SERP2: variants seen among roughly 807,000 people sequenced by gnomAD.
SERP2 encodes the protein stress-associated endoplasmic reticulum protein 2.
A neutral mutation model predicts 9.1 loss-of-function variants in SERP2; 6 were observed. The observed-to-expected ratio is 0.66, with a 90% confidence interval of 0.36 to 1.30. The LOEUF (loss-of-function observed/expected upper bound fraction) is 1.30, where lower values mean the gene tolerates loss of function less well. Ranked by LOEUF, SERP2 falls within the 50% of genes most tolerant of loss-of-function variation. The probability of loss-of-function intolerance (pLI) is 0.03; values close to 1 mark genes in which losing one functional copy is unlikely to be tolerated. For missense variants in SERP2, 58 were observed against 81.9 expected (o/e 0.71, Z 1.13); for synonymous variants, 37 against 27.3 (o/e 1.35, Z -1.10).
chr13:44,387,777 C>T (rs768587940), intron 2 of SERP2, among the ~76,000 whole-genome samples: 1 of 152,174 alleles, frequency 6.6e-6, no homozygotes, highest in Non-Finnish European at 1.5e-5. Context: ...TCCCATCATC[C>T]TTTGACTCTC....
chr13:44,376,851 A>T (rs1023120436), intron 1 of SERP2, among the ~76,000 whole-genome samples: 1 of 151,986 alleles, frequency 6.6e-6, no homozygotes, highest in African/African-American at 2.4e-5. Flanking sequence ...ATGAAGGGGG[A>T]ATTTAAATTT....
Sources: gnomAD v4.1 joint callset for allele counts (sites outside exome capture counted in the v4.1 genomes callset) on GRCh38, gnomAD v4.1.1 for gene constraint, MANE v1.5 for transcripts, NCBI Gene and HGNC (gene_info 2026-07-23, HGNC 2026-07-21) for gene names.